DCAF6: variants seen among roughly 807,000 people sequenced by gnomAD.
DCAF6 encodes DDB1- and CUL4-associated factor 6.
DCAF6 carries 54 observed loss-of-function variants against 125.1 expected under a neutral mutation model. That is an observed-to-expected ratio of 0.43 (90% confidence interval 0.35 to 0.54). The LOEUF is 0.54. Ranked by LOEUF, DCAF6 falls within the 20% of genes least tolerant of loss-of-function variation. The pLI, the probability that DCAF6 is intolerant of heterozygous loss-of-function variation, is 0.01. For missense variants in DCAF6, 934 were observed against 1,161.7 expected, an observed-to-expected ratio of 0.80 and a Z score of 2.85; for synonymous variants, 371 against 390.4, an observed-to-expected ratio of 0.95 and a Z score of 0.58.
chr1:168,023,888 A>C (rs1391987632), intron 12 of DCAF6: 2 of 152,186 alleles, frequency 1.3e-5, no homozygotes, highest in African/African-American at 4.8e-5. Flanking sequence ...AGTCTTTAAG[A>C]ATGATTTAAC....
intron 2 of DCAF6, among the ~76,000 whole-genome samples, chr1:167,953,441 A>C (rs930273994): frequency 3.9e-5 from 6 of 152,182 alleles, no homozygotes; most frequent in African/African-American, 1.4e-4. Flanking sequence ...ATTTGTTCAT[A>C]GTCTACACTT....
the DCAF6 span, chr1:167,878,779 C>G: frequency 3.7e-6 from 3 of 809,112 alleles, no homozygotes; most frequent in African/African-American, 5.2e-5. Context: ...GTCTCAAGAC[C>G]CATATTCAGC....
chr1:167,875,256 T>C, the DCAF6 span: 1 of 1,494,620 alleles, frequency 6.7e-7, no homozygotes, highest in East Asian at 2.3e-5. Context: ...GAGTGATTAG[T>C]TCTTAGTTCC....
At chr1:167,995,379 G>C (rs887942354) in intron 7 of DCAF6, among the ~76,000 whole-genome samples, 5 of 152,112 alleles carry the variant, frequency 3.3e-5, no homozygotes, top group Admixed American at 3.3e-4. Context: ...GCTGAAAGTG[G>C]ATTTAAATTA....
At chr1:167,948,240 GGAGACCTTTT>G (rs1460945430) in intron 1 of DCAF6, among the ~76,000 whole-genome samples, 29 of 151,432 alleles carry the variant, frequency 1.9e-4, no homozygotes, top group Non-Finnish European at 3.7e-4. Flanking sequence ...TTGCCATGGT[GGAGACCTTTT>G]TACACTGTAT....
At chr1:167,901,876 T>A in the DCAF6 span, 3 of 1,612,366 alleles carry the variant, frequency 1.9e-6, no homozygotes, top group Non-Finnish European at 2.5e-6. Flanking sequence ...GAGATCTGTA[T>A]AGAAACTTAC....
the DCAF6 span, among the ~76,000 whole-genome samples, chr1:167,868,333 C>A: frequency 2.0e-5 from 3 of 152,132 alleles, no homozygotes; most frequent in Non-Finnish European, 4.4e-5. Context: ...TCACCCTGAT[C>A]ATTTCTAGGT....
chr1:167,902,463 G>A, the DCAF6 span, among the ~76,000 whole-genome samples: 1 of 152,238 alleles, frequency 6.6e-6, no homozygotes, highest in Non-Finnish European at 1.5e-5. Context: ...CTAGGAGTCA[G>A]GGAATGGGAA....
intron 16 of DCAF6, 104 bp downstream of exon 16, chr1:168,045,331 T>C: frequency 1.0e-6 from 1 of 974,652 alleles, no homozygotes; most frequent in East Asian, 2.6e-5. Flanking sequence ...TTGCTTCCTC[T>C]AAGAGTGTCT....
In DCAF6 at chr1:167,991,137, T is replaced by C; in HGVS notation, c.553-67T>C. Reference sequence around the variant, plus strand: ...GTTATTCTAATTACTAATGAGAAAATATTTTAAATATAATTTCACCTCTGC... The same window carrying C: ...GTTATTCTAATTACTAATGAGAAAACATTTTAAATATAATTTCACCTCTGC... On this transcript the variant is annotated intron_variant, in intron 5 of 21. Coordinates refer to ENST00000367840, the MANE Select transcript of DCAF6 (RefSeq NM_001198956.2). The C allele has an allele frequency of 3.0e-6, 4 of 1,344,112 alleles. No individual in the cohort carries two copies. The Admixed American group carries it at 7.0e-5, about 24-fold the overall frequency. 83.3% of individuals were successfully genotyped at this position (1,344,112 alleles called of 1,614,324 possible).
At chr1:167,876,989 AC>A in the DCAF6 span, among the ~76,000 whole-genome samples, 1 of 152,028 alleles carries the variant, frequency 6.6e-6, no homozygotes, top group Admixed American at 6.6e-5. Flanking sequence ...AGTCTGTTGA[AC>A]CCCAGGCACG....
At chr1:168,012,445 CGTT>C (rs758639835) in intron 10 of DCAF6, among the ~76,000 whole-genome samples, 54 of 152,116 alleles carry the variant, frequency 3.5e-4, no homozygotes, top group Admixed American at 2.6e-3. Flanking sequence ...TTTTTATCAT[CGTT>C]GTTTTTAAAA....
chr1:167,942,767 CAG>C (rs1222036450), intron 1 of DCAF6, among the ~76,000 whole-genome samples: 1 of 152,118 alleles, frequency 6.6e-6, no homozygotes, highest in Admixed American at 6.5e-5. Flanking sequence ...ATTGATCTAA[CAG>C]TGTGTGGAAA....
At chr1:167,904,308 G>A in the DCAF6 span, among the ~76,000 whole-genome samples, 3 of 151,910 alleles carry the variant, frequency 2.0e-5, no homozygotes, top group Admixed American at 6.6e-5. Context: ...GGATGGTCTC[G>A]AACTCCTGAC....
At chr1:167,877,543 C>A in the DCAF6 span, among the ~76,000 whole-genome samples, 1 of 151,854 alleles carries the variant, frequency 6.6e-6, no homozygotes, top group East Asian at 1.9e-4. Context: ...TTATTGAGGA[C>A]CTACTGTATA....
At chr1:167,907,754 T>A in the DCAF6 span, among the ~76,000 whole-genome samples, 3 of 152,248 alleles carry the variant, frequency 2.0e-5, no homozygotes, top group Non-Finnish European at 4.4e-5. Flanking sequence ...ATTAAACTTT[T>A]AAATCAAGAG....
intron 10 of DCAF6, among the ~76,000 whole-genome samples, chr1:168,007,140 C>T (rs1321267482): frequency 6.6e-6 from 1 of 152,178 alleles, no homozygotes; most frequent in Non-Finnish European, 1.5e-5. Flanking sequence ...TTCCTACTGT[C>T]AATAATTTCC....
At chr1:167,922,042 T>C in the DCAF6 span, among the ~76,000 whole-genome samples, 9 of 152,194 alleles carry the variant, frequency 5.9e-5, no homozygotes, top group Non-Finnish European at 8.8e-5. Context: ...ATAGAACATA[T>C]GTGGCTTGCA....
At chr1:167,904,024 G>T in the DCAF6 span, 2 of 1,487,174 alleles carry the variant, frequency 1.3e-6, no homozygotes, top group Non-Finnish European at 1.9e-6. Flanking sequence ...TTCCTTGGCT[G>T]CTTGGGGGAA....
Sources: gnomAD v4.1 joint callset for allele counts (sites outside exome capture counted in the v4.1 genomes callset) on GRCh38, gnomAD v4.1.1 for gene constraint, MANE v1.5 for transcripts, NCBI Gene and HGNC (gene_info 2026-07-23, HGNC 2026-07-21) for gene names.